The following CTNNA2 variants were observed in gnomAD, a reference collection of about 807,000 sequenced individuals.
The protein encoded by CTNNA2 is catenin alpha 2.
Under a neutral mutation model 101.0 loss-of-function variants are expected in CTNNA2, and 42 were observed. That is an observed-to-expected ratio of 0.42 (90% confidence interval 0.32 to 0.54). The LOEUF (loss-of-function observed/expected upper bound fraction) is 0.54. Ranked by LOEUF, CTNNA2 falls within the 20% of genes least tolerant of loss-of-function variation. The pLI is 0.14. For synonymous variants in CTNNA2, 450 were observed against 456.4 expected (o/e 0.99, Z 0.18); for missense variants, 871 against 1,223.1 (o/e 0.71, Z 4.29).
At chr2:79,690,006 T>C (rs958559019) in intron 2 of CTNNA2, among the ~76,000 whole-genome samples, 3 of 151,782 alleles carry the variant, frequency 2.0e-5, no homozygotes, top group Non-Finnish European at 4.4e-5. Context: ...AAAATACCCA[T>C]AGAAGAAAAG....
chr2:79,501,437 T>C (rs1671318476), intron 4 of CTNNA2, among the ~76,000 whole-genome samples: 1 of 152,180 alleles, frequency 6.6e-6, no homozygotes, highest in Admixed American at 6.5e-5. Context: ...GCTTATCTGT[T>C]GTTGCTTTAG....
intron 7 of CTNNA2, among the ~76,000 whole-genome samples, chr2:80,322,495 T>C (rs978782027): frequency 1.6e-4 from 24 of 151,950 alleles, no homozygotes; most frequent in African/African-American, 4.3e-4. Flanking sequence ...ATTGTTCCCT[T>C]GCTTGGGCGG....
intron 8 of CTNNA2, among the ~76,000 whole-genome samples, chr2:80,397,032 G>C (rs981381462): frequency 6.6e-6 from 1 of 152,170 alleles, no homozygotes; most frequent in Non-Finnish European, 1.5e-5. Context: ...ACATGTTATT[G>C]GATGGAATGT....
At chr2:79,264,275 T>C (rs1674961935) in intron 2 of CTNNA2, among the ~76,000 whole-genome samples, 1 of 152,166 alleles carries the variant, frequency 6.6e-6, no homozygotes, top group Admixed American at 6.6e-5. Context: ...CTAAATTCTC[T>C]TTCTTTCATA....
intron 2 of CTNNA2, among the ~76,000 whole-genome samples, chr2:79,296,492 C>CT (rs974245769): frequency 3.9e-5 from 6 of 152,084 alleles, no homozygotes; most frequent in African/African-American, 1.2e-4. Flanking sequence ...TCATTTATAG[C>CT]TTTTTTACAG....
At chr2:80,297,711 A>G (rs1675869198) in intron 7 of CTNNA2, among the ~76,000 whole-genome samples, 2 of 151,984 alleles carry the variant, frequency 1.3e-5, no homozygotes, top group Admixed American at 6.6e-5. Flanking sequence ...ATATATTCCC[A>G]TTTGCTGGCT....
chr2:79,672,802 C>T (rs1254449082), intron 2 of CTNNA2, among the ~76,000 whole-genome samples: 3 of 151,542 alleles, frequency 2.0e-5, no homozygotes, highest in Non-Finnish European at 2.9e-5. Context: ...CTCTGCCTCC[C>T]AGGTTCAAGT....
chr2:80,151,069 C>T (rs1703664990), intron 7 of CTNNA2, among the ~76,000 whole-genome samples: 2 of 152,164 alleles, frequency 1.3e-5, no homozygotes, highest in Admixed American at 1.3e-4. Context: ...TCTCTGTAAG[C>T]CTACTTTAAT....
intron 3 of CTNNA2, among the ~76,000 whole-genome samples, chr2:79,847,283 G>T (rs1259965947): frequency 6.6e-6 from 1 of 152,052 alleles, no homozygotes; most frequent in African/African-American, 2.4e-5. Flanking sequence ...GGTGGCTCAC[G>T]CCTGTAATCC....
intron 1 of CTNNA2, among the ~76,000 whole-genome samples, chr2:79,597,142 A>G (rs910293125): frequency 3.9e-5 from 6 of 152,278 alleles, no homozygotes; most frequent in African/African-American, 7.2e-5. Context: ...TGTGTGAACA[A>G]CTGAAACATT....
intron 7 of CTNNA2, among the ~76,000 whole-genome samples, chr2:80,147,742 C>A (rs1558852368): frequency 6.6e-6 from 1 of 152,170 alleles, no homozygotes; most frequent in African/African-American, 2.4e-5. Context: ...GTCATTTATA[C>A]CACGGGGTGG....
At chr2:80,313,508 T>C in intron 7 of CTNNA2, 3 of 1,585,336 alleles carry the variant, frequency 1.9e-6, no homozygotes, top group Non-Finnish European at 2.6e-6. Flanking sequence ...GTTGAAGAGA[T>C]TTTTCTAGCT....
intron 4 of CTNNA2, among the ~76,000 whole-genome samples, chr2:79,420,827 C>T (rs1040130108): frequency 1.3e-5 from 2 of 152,096 alleles, no homozygotes; most frequent in Non-Finnish European, 2.9e-5. Flanking sequence ...CCAAGTATAA[C>T]AATATGGTCT....
intron 4 of CTNNA2, among the ~76,000 whole-genome samples, chr2:79,435,231 A>T (rs1483781037): frequency 6.6e-6 from 1 of 152,080 alleles, no homozygotes; most frequent in African/African-American, 2.4e-5. Flanking sequence ...TAAGTCACAG[A>T]TCCCAGATTG....
Position 80,032,830 on chromosome 2 carries a change from A to G in CTNNA2, c.1056+123033A>G, listed in dbSNP as rs368670713. On this transcript the variant is annotated intron_variant, in intron 7 of 18. Transcript: ENST00000402739. ...TTCCTGTAAACCAAAAAGGAAGTCTATCATGGAAAGACATACCACCATGTG... is the reference window on the plus strand; with the variant it reads ...TTCCTGTAAACCAAAAAGGAAGTCTGTCATGGAAAGACATACCACCATGTG... 3.9e-5 allele frequency among the ~76,000 whole-genome samples: 6 copies of G among 152,180 alleles called. No homozygotes were observed. In the East Asian group the frequency reaches 9.6e-4, roughly 24 times the overall value.
Position 80,648,601 on chromosome 2 carries a change from C to A in CTNNA2, c.*729C>A, listed in dbSNP as rs199727314. Reference sequence around the variant, plus strand: ...ACCAATCTTGCTTTCATTTTTTTTTCTTTTTAATTTGAACCATGATTTTGC... The same window carrying A: ...ACCAATCTTGCTTTCATTTTTTTTTATTTTTAATTTGAACCATGATTTTGC... On this transcript the variant is annotated 3_prime_UTR_variant, in exon 19 of 19. Transcript: ENST00000402739. 1 of 151,226 alleles carries A rather than the reference C, an allele frequency of 6.6e-6. No homozygotes were observed. The highest frequency in any genetic ancestry group is 1.5e-5 in the Non-Finnish European group (1 of 67,758). 9.4% of individuals were successfully genotyped at this position (151,226 alleles called of 1,614,324 possible).
chr2:80,206,329 C>T (rs1707530434), intron 7 of CTNNA2, among the ~76,000 whole-genome samples: 1 of 152,140 alleles, frequency 6.6e-6, no homozygotes, highest in South Asian at 2.1e-4. Context: ...TCAGGCATAG[C>T]CTTGCTGGGG....
chr2:80,274,899 C>T (rs188629370), intron 7 of CTNNA2, among the ~76,000 whole-genome samples: 8 of 152,298 alleles, frequency 5.3e-5, no homozygotes, highest in East Asian at 1.9e-4. Flanking sequence ...ACCTTTGTTG[C>T]GACTGACCTT....
intron 4 of CTNNA2, among the ~76,000 whole-genome samples, chr2:79,383,948 G>A (rs1435849081): frequency 1.3e-5 from 2 of 152,096 alleles, no homozygotes; most frequent in Non-Finnish European, 2.9e-5. Context: ...GGACAGAGAG[G>A]GAAAGGAGAG....
Sources: allele counts gnomAD v4.1 joint callset (sites outside exome capture counted in the v4.1 genomes callset), GRCh38; gene constraint gnomAD v4.1.1; transcripts MANE v1.5; gene names NCBI Gene and HGNC (gene_info 2026-07-23, HGNC 2026-07-21).